The following FAM120B variants were observed in gnomAD, a reference collection of about 807,000 sequenced individuals.
FAM120B encodes the protein family with sequence similarity 120 member B.
In FAM120B, 83 loss-of-function variants were observed where a neutral mutation model predicts 96.3. The ratio of observed to expected loss-of-function variants is 0.86; its 90% CI spans 0.72 to 1.03. FAM120B has a LOEUF of 1.03. Ranked by LOEUF, FAM120B falls within the 50% of genes least tolerant of loss-of-function variation. The pLI, the probability that FAM120B is intolerant of heterozygous loss-of-function variation, is 0.00. For synonymous variants in FAM120B, 407 were observed against 402.7 expected (o/e 1.01, Z -0.13); for missense variants, 1,027 against 1,121.2 (o/e 0.92, Z 1.20).
chr6:170,360,626 A>T (rs920045210), intron 6 of FAM120B, among the ~76,000 whole-genome samples: 3 of 152,146 alleles, frequency 2.0e-5, no homozygotes, highest in Non-Finnish European at 2.9e-5. Flanking sequence ...GACTTGTCCC[A>T]TGCTTCTAGT....
At chr6:170,311,251 A>G (rs1228968613) in intron 1 of FAM120B, among the ~76,000 whole-genome samples, 2 of 152,212 alleles carry the variant, frequency 1.3e-5, no homozygotes, top group African/African-American at 4.8e-5. Context: ...CTTTGGGTGA[A>G]GCGTAGACAT....
At position 170,323,079 on chromosome 6, in the gene FAM120B, G is replaced by T. The variant is rs140670595; in HGVS notation, c.1735G>T (p.Val579Phe). 2.4e-4 allele frequency: 379 copies of T among 1,596,644 alleles called. 3 individuals carry two copies. The highest frequency in any genetic ancestry group is 1.9e-3 in the South Asian group (164 of 87,858). ...TCAGTTGTATTTAAATTTCAAACAG[G>T]TTGCTAGAACACATCACGTCCAAGC... ...TMVSDTEILK[V>F]ARTHHVQAES... The change falls in exon 3 of 11, where the codon GTT (valine) becomes TTT (phenylalanine). Residue 579 changes from valine to phenylalanine, a missense_variant and splice_region_variant. Val to Phe is a conservative substitution (Grantham distance 50, BLOSUM62 -1). This residue lies in a region of FAM120B where 880 missense variants were observed against 980.9 expected (regional missense o/e 0.90). Coordinates refer to ENST00000476287, the MANE Select transcript of FAM120B (RefSeq NM_032448.3).
At chr6:170,382,158 TGCCTGTAATCC>T (rs1789943023) in intron 6 of FAM120B, among the ~76,000 whole-genome samples, 1 of 152,192 alleles carries the variant, frequency 6.6e-6, no homozygotes, top group South Asian at 2.1e-4. Flanking sequence ...TGGTGGCTCA[TGCCTGTAATCC>T]CAGCACTTTG....
At chr6:170,294,012 C>T (rs1486912007), upstream of FAM120B, among the ~76,000 whole-genome samples, 4 of 152,148 alleles carry the variant, frequency 2.6e-5, no homozygotes, top group Admixed American at 2.6e-4. This position sits in a 1 kb window ranked among gnomAD's most constrained non-coding sequence, Gnocchi z 7.9. Flanking sequence ...GACGACACGC[C>T]TTTAGACGCC....
upstream of FAM120B, among the ~76,000 whole-genome samples, chr6:170,304,800 T>C (rs1170256468): frequency 1.4e-4 from 21 of 152,158 alleles, 1 homozygote; most frequent in Admixed American, 1.4e-3. Context: ...TGTCAGATCC[T>C]ACTCCTCCTT....
intron 7 of FAM120B, among the ~76,000 whole-genome samples, chr6:170,389,527 TCACA>T (rs906822743): frequency 6.6e-6 from 1 of 151,634 alleles, no homozygotes; most frequent in African/African-American, 2.4e-5. Context: ...TCCCCATTTC[TCACA>T]CACACACACG....
At chr6:170,385,529 C>T (rs1014046921) in intron 6 of FAM120B, among the ~76,000 whole-genome samples, 3 of 152,050 alleles carry the variant, frequency 2.0e-5, no homozygotes, top group Non-Finnish European at 2.9e-5. Context: ...TTATGTCATT[C>T]GCAGGAGTTC....
chr6:170,323,395 A>G (rs891166371), intron 3 of FAM120B, 136 bp downstream of exon 3: 4 of 695,516 alleles, frequency 5.8e-6, no homozygotes, highest in Non-Finnish European at 9.4e-6. Context: ...TCAAATCTAT[A>G]ATTGAGAATA....
chr6:170,327,723 A>AT (rs1785698112), intron 3 of FAM120B, among the ~76,000 whole-genome samples: 1 of 151,466 alleles, frequency 6.6e-6, no homozygotes, highest in Non-Finnish European at 1.5e-5. Flanking sequence ...CACACTGCAC[A>AT]TGCAGGCTGC....
At chr6:170,352,470 T>C (rs1213704433) in intron 5 of FAM120B, among the ~76,000 whole-genome samples, 1 of 152,214 alleles carries the variant, frequency 6.6e-6, no homozygotes, top group East Asian at 1.9e-4. Flanking sequence ...TTCAACATAA[T>C]ATACATTCTT....
intron 4 of FAM120B, among the ~76,000 whole-genome samples, chr6:170,333,336 G>C (rs1028261346): frequency 6.6e-6 from 1 of 152,112 alleles, no homozygotes; most frequent in African/African-American, 2.4e-5. Context: ...CAGGAAGCGG[G>C]GCCTCACCAG....
chr6:170,347,638 A>C (rs976033778), intron 4 of FAM120B, among the ~76,000 whole-genome samples: 46 of 152,218 alleles, frequency 3.0e-4, no homozygotes, highest in Admixed American at 5.2e-4. Flanking sequence ...ACTTCCAGGC[A>C]CCCATACCTG....
intron 4 of FAM120B, among the ~76,000 whole-genome samples, chr6:170,331,751 T>C (rs769664028): frequency 6.6e-6 from 1 of 152,246 alleles, no homozygotes; most frequent in Non-Finnish European, 1.5e-5. Flanking sequence ...CTCTATATAA[T>C]GTTTTAATAA....
chr6:170,347,541 G>A (rs543435739), intron 4 of FAM120B, among the ~76,000 whole-genome samples: 2 of 152,336 alleles, frequency 1.3e-5, no homozygotes, highest in East Asian at 1.9e-4. Context: ...GAATTTCTGT[G>A]TATTTAATAG....
In FAM120B at chr6:170,334,719, G is replaced by T. The variant is rs937301104; in HGVS notation, c.2017+4169G>T. On this transcript the variant is annotated intron_variant, in intron 4 of 10. Coordinates refer to ENST00000476287, the MANE Select transcript of FAM120B (RefSeq NM_032448.3). The stretch of plus-strand genomic sequence containing the variant: ...CTCAAAAGCAGTTTTTCACCAACTT[G>T]TAAAAAATAGTGTGAAGCTTTGTCA... Among the ~76,000 whole-genome samples the T allele has an allele frequency of 4.6e-5, 7 of 152,190 alleles. No individual in the cohort carries two copies. In the East Asian group the frequency reaches 1.2e-3, roughly 25 times the overall value.
intron 5 of FAM120B, among the ~76,000 whole-genome samples, chr6:170,351,226 A>G (rs1787555594): frequency 6.6e-6 from 1 of 152,226 alleles, no homozygotes; most frequent in Non-Finnish European, 1.5e-5. Context: ...CTGAATTAAG[A>G]TAGGCAGACA....
At chr6:170,395,393 T>C in intron 8 of FAM120B, 94 bp from the exon 9 acceptor site, 1 of 973,504 alleles carries the variant, frequency 1.0e-6, no homozygotes, top group Admixed American at 2.0e-5. Flanking sequence ...GGGATACTGC[T>C]GACCTGGTGC....
At position 170,329,147 on chromosome 6, in the gene FAM120B, A is replaced by G. The variant is rs189101247; in HGVS notation, c.1916-1302A>G. ...TATCCTGATAGCTCTCTCTTCAGCC[A>G]GAGTCTAAAGGGCACTTGCCATCTG... On this transcript the variant is annotated intron_variant, in intron 3 of 10. Coordinates refer to ENST00000476287, the MANE Select transcript of FAM120B (RefSeq NM_032448.3). Among the ~76,000 whole-genome samples the G allele has an allele frequency of 2.1e-3, 321 of 152,358 alleles. 1 individual carries two copies. Among genetic ancestry groups the G allele is most frequent in the Middle Eastern group, 0.017 (5 of 294 alleles).
intron 7 of FAM120B, among the ~76,000 whole-genome samples, chr6:170,390,488 A>G (rs1562594400): frequency 6.6e-6 from 1 of 152,044 alleles, no homozygotes; most frequent in Admixed American, 6.5e-5. Context: ...GAAAAAAAAA[A>G]AGTATAGGAT....
Sources: gnomAD v4.1 joint callset for allele counts (sites outside exome capture counted in the v4.1 genomes callset) on GRCh38, gnomAD v4.1.1 for gene constraint, gnomAD v4.1.1 regional missense constraint, Gnocchi (gnomAD v3.1) non-coding constraint, MANE v1.5 for transcripts, NCBI Gene and HGNC (gene_info 2026-07-23, HGNC 2026-07-21) for gene names.